LINGO2: variants seen among roughly 807,000 people sequenced by gnomAD.
LINGO2 encodes the protein leucine rich repeat and Ig domain containing 2.
A neutral mutation model predicts 30.6 loss-of-function variants in LINGO2; 14 were observed. That is an observed-to-expected ratio of 0.46 (90% confidence interval 0.30 to 0.72). The LOEUF is 0.72. Among genes scored for constraint, LINGO2 ranks in the 30% least tolerant of loss-of-function variants. The pLI is 0.07. For missense variants in LINGO2, 729 were observed against 751.7 expected (o/e 0.97, Z 0.35); for synonymous variants, 317 against 288.5 (o/e 1.10, Z -1.00).
chr9:29,160,961 G>C, the LINGO2 span, among the ~76,000 whole-genome samples: 1 of 152,222 alleles, frequency 6.6e-6, no homozygotes, highest in South Asian at 2.1e-4. Context: ...TGCTGATGTT[G>C]TGCACAGGGC....
chr9:28,045,939 T>A (rs550146700), intron 4 of LINGO2, among the ~76,000 whole-genome samples: 10 of 152,182 alleles, frequency 6.6e-5, no homozygotes, highest in African/African-American at 9.7e-5. Context: ...AGCAAAGAGT[T>A]AAACTATGAT....
the LINGO2 span, among the ~76,000 whole-genome samples, chr9:28,990,683 A>G: frequency 1.3e-5 from 2 of 152,172 alleles, no homozygotes; most frequent in African/African-American, 2.4e-5. Flanking sequence ...ATCAGACAGC[A>G]GCATTCGCGG....
intron 4 of LINGO2, among the ~76,000 whole-genome samples, chr9:28,211,122 C>T (rs778345672): frequency 6.6e-6 from 1 of 151,402 alleles, no homozygotes; most frequent in Non-Finnish European, 1.5e-5. Context: ...AAAATTGCAG[C>T]AAATATGTAC....
chr9:28,346,983 G>A (rs1819604097), intron 3 of LINGO2, among the ~76,000 whole-genome samples: 1 of 151,918 alleles, frequency 6.6e-6, no homozygotes, highest in Admixed American at 6.6e-5. Context: ...TAGGTTGTCT[G>A]TTTACTCTGT....
At chr9:28,634,535 G>T (rs1827164138) in intron 1 of LINGO2, among the ~76,000 whole-genome samples, 1 of 145,556 alleles carries the variant, frequency 6.9e-6, no homozygotes, top group Non-Finnish European at 1.5e-5. Context: ...ACCCAGGCTG[G>T]AGTGCAGTGG....
chr9:28,534,302 A>G (rs887262939), intron 1 of LINGO2, among the ~76,000 whole-genome samples: 1 of 152,154 alleles, frequency 6.6e-6, no homozygotes, highest in East Asian at 1.9e-4. Context: ...GACTACAGGC[A>G]TGTGCCATCA....
rs1182901182 is a variant in LINGO2, at chr9:28,148,491, A to T, written c.-86-136086T>A. The T allele has an allele frequency of 1.4e-6, 2 of 1,444,320 alleles. No individual in the cohort carries two copies. Among genetic ancestry groups the T allele is most frequent in the African/African-American group, 1.4e-5 (1 of 71,266 alleles). 89.5% of individuals were successfully genotyped at this position (1,444,320 alleles called of 1,614,324 possible). On this transcript the variant is annotated intron_variant, in intron 4 of 5. Coordinates refer to ENST00000379992, the Ensembl canonical transcript of LINGO2. This position sits in a 1 kb window ranked among gnomAD's most constrained non-coding sequence, Gnocchi z 5.1. ...GAGGTGACAGACCAGGTAGAGACCC[A>T]GGGGCAGGAGGACAATAAAAGGGGC...
chr9:29,016,393 G>A, the LINGO2 span, among the ~76,000 whole-genome samples: 2 of 152,098 alleles, frequency 1.3e-5, no homozygotes, highest in South Asian at 4.1e-4. Context: ...GACTGCTTGT[G>A]GGCTTCATCT....
At position 28,147,690 on chromosome 9, in the gene LINGO2, C is replaced by A. The variant is rs998655844; in HGVS notation, c.-86-135285G>T. Among the ~76,000 whole-genome samples the A allele has an allele frequency of 2.6e-5, 4 of 152,302 alleles. No individual in the cohort carries two copies. The highest frequency in any genetic ancestry group is 4.8e-5 in the African/African-American group (2 of 41,584). On this transcript the variant is annotated intron_variant, in intron 4 of 5. Coordinates refer to ENST00000379992, the Ensembl canonical transcript of LINGO2. This position sits in a 1 kb window ranked among gnomAD's most constrained non-coding sequence, Gnocchi z 4.7. ...CGGATCAGCCCCGCACCCCCAACAG[C>A]CCCACGGGGGGGCCCGTCCAGGGCC...
chr9:28,221,872 T>C (rs979246546), intron 4 of LINGO2, among the ~76,000 whole-genome samples: 1 of 152,194 alleles, frequency 6.6e-6, no homozygotes. Flanking sequence ...CTAATTTCTG[T>C]TTTTAGATTT....
rs144747002 is a variant in LINGO2 at position 28,344,079 on chromosome 9, T to C, written c.-246+28757A>G. Among the ~76,000 whole-genome samples the C allele has an allele frequency of 3.8e-3, 575 of 152,202 alleles. 6 individuals carry two copies. The highest frequency in any genetic ancestry group is 4.6e-3 in the Non-Finnish European group (316 of 68,004). On this transcript the variant is annotated intron_variant, in intron 3 of 5. Coordinates refer to ENST00000379992, the Ensembl canonical transcript of LINGO2. Reference sequence around the variant, plus strand: ...CAAACTACTGGGCCCCTCTAGGCTATCAACAAAAGTTTATGATAAATTTAA... The same window carrying C: ...CAAACTACTGGGCCCCTCTAGGCTACCAACAAAAGTTTATGATAAATTTAA...
intron 4 of LINGO2, among the ~76,000 whole-genome samples, chr9:28,200,721 T>G (rs1353808485): frequency 1.3e-5 from 2 of 152,138 alleles, no homozygotes. Flanking sequence ...AAGTAACACA[T>G]AAATAAGTAC....
the LINGO2 span, among the ~76,000 whole-genome samples, chr9:29,024,297 T>G: frequency 6.6e-6 from 1 of 152,248 alleles, no homozygotes; most frequent in South Asian, 2.1e-4. Flanking sequence ...TAACAAAATG[T>G]AATGGCTACC....
the LINGO2 span, among the ~76,000 whole-genome samples, chr9:29,202,977 C>T: frequency 6.6e-6 from 1 of 152,062 alleles, no homozygotes. Context: ...ATCTTGTTCA[C>T]ACATATTTTA....
intron 5 of LINGO2, among the ~76,000 whole-genome samples, chr9:27,989,930 C>T (rs773654946): frequency 1.1e-4 from 16 of 151,812 alleles, no homozygotes; most frequent in Non-Finnish European, 2.2e-4. Flanking sequence ...GGACTAAGCT[C>T]AAAAGAAGGA....
intron 2 of LINGO2, among the ~76,000 whole-genome samples, chr9:28,443,372 G>A (rs1214112531): frequency 6.6e-6 from 1 of 152,218 alleles, no homozygotes. Flanking sequence ...ACTCTGTTGA[G>A]CTGGTTGGGG....
At chr9:28,527,806 T>C (rs112719940) in intron 1 of LINGO2, among the ~76,000 whole-genome samples, 4 of 152,352 alleles carry the variant, frequency 2.6e-5, no homozygotes, top group African/African-American at 9.6e-5. Context: ...TTTTTTCCGA[T>C]ATCTCTAGTG....
the LINGO2 span, among the ~76,000 whole-genome samples, chr9:28,928,326 T>C: frequency 3.9e-5 from 6 of 152,210 alleles, no homozygotes; most frequent in Admixed American, 1.3e-4. Flanking sequence ...CTTTTATAGC[T>C]ATCTAAGTAT....
chr9:29,161,255 A>G, the LINGO2 span, among the ~76,000 whole-genome samples: 1 of 152,186 alleles, frequency 6.6e-6, no homozygotes, highest in Non-Finnish European at 1.5e-5. Context: ...AGCTAGTGTG[A>G]AAAAGCTGCT....
Sources: gnomAD v4.1 joint callset for allele counts (sites outside exome capture counted in the v4.1 genomes callset) on GRCh38, gnomAD v4.1.1 for gene constraint, Gnocchi (gnomAD v3.1) non-coding constraint, MANE v1.5 for transcripts, NCBI Gene and HGNC (gene_info 2026-07-23, HGNC 2026-07-21) for gene names.